METTL15: variants seen among roughly 807,000 people sequenced by gnomAD.
METTL15 encodes methyltransferase 15, mitochondrial 12S rRNA N4-cytidine.
Under a neutral mutation model 38.3 loss-of-function variants are expected in METTL15, and 34 were observed. That is an observed-to-expected ratio of 0.89 (90% CI 0.68 to 1.18). The LOEUF (loss-of-function observed/expected upper bound fraction) is 1.18, where lower values mean the gene tolerates loss of function less well. METTL15 is among the 50% of genes most tolerant of loss of function. The probability of loss-of-function intolerance (pLI) is 0.00; values close to 1 mark genes in which losing one functional copy is unlikely to be tolerated. For missense variants in METTL15, 438 were observed against 498.4 expected, an observed-to-expected ratio of 0.88 and a Z score of 1.15; for synonymous variants, 162 against 170.9, an observed-to-expected ratio of 0.95 and a Z score of 0.41.
chr11:28,450,681 T>C (rs1183705187), intron 6 of METTL15, among the ~76,000 whole-genome samples: 2 of 152,236 alleles, frequency 1.3e-5, no homozygotes, highest in Non-Finnish European at 2.9e-5. Flanking sequence ...TGGACTTTAG[T>C]GGATTCAGTA....
rs891716500 is a variant in METTL15 at position 28,331,154 on chromosome 11, G to T, written c.*313G>T. 10 of 184,570 alleles carry T rather than the reference G, an allele frequency of 5.4e-5. No homozygotes were observed. The highest frequency in any genetic ancestry group is 6.6e-5 in the Non-Finnish European group (6 of 90,780). 11.4% of individuals were successfully genotyped at this position (184,570 alleles called of 1,614,324 possible). On this transcript the variant is annotated 3_prime_UTR_variant, in exon 7 of 7. Coordinates refer to ENST00000407364, the MANE Select transcript of METTL15 (RefSeq NM_001113528.2). The stretch of plus-strand genomic sequence containing the variant: ...TACTGTGTTGTGTTTATCTAAATAC[G>T]TAAACTCAAGCTACCAAAGAGAAAG...
chr11:28,134,450 T>C (rs1849448545), intron 3 of METTL15: 1 of 397,836 alleles, frequency 2.5e-6, no homozygotes, highest in Non-Finnish European at 4.4e-6. Flanking sequence ...CAAGTTCCCT[T>C]ATCTGCACAA....
chr11:28,454,203 A>T (rs1357516045), intron 6 of METTL15, among the ~76,000 whole-genome samples: 1 of 152,224 alleles, frequency 6.6e-6, no homozygotes, highest in African/African-American at 2.4e-5. Context: ...AGTCATTCCA[A>T]TTAATCCTCC....
chr11:28,368,744 G>T, intron 5 of METTL15, among the ~76,000 whole-genome samples: 1 of 152,046 alleles, frequency 6.6e-6, no homozygotes, highest in East Asian at 1.9e-4. Context: ...CAAAGACTTG[G>T]AACCAACCCA....
chr11:28,132,242 A>G (rs1309125348), intron 3 of METTL15, among the ~76,000 whole-genome samples: 3 of 152,142 alleles, frequency 2.0e-5, no homozygotes, highest in African/African-American at 7.2e-5. Context: ...GGTCATAGCA[A>G]CAGACATTGT....
chr11:28,265,436 A>T (rs1855374889), intron 4 of METTL15, among the ~76,000 whole-genome samples: 1 of 151,994 alleles, frequency 6.6e-6, no homozygotes, highest in African/African-American at 2.4e-5. Flanking sequence ...TGAGAAAACG[A>T]AATTGTCAGT....
chr11:28,251,535 A>G (rs1285594434), intron 4 of METTL15, among the ~76,000 whole-genome samples: 1 of 152,022 alleles, frequency 6.6e-6, no homozygotes, highest in Non-Finnish European at 1.5e-5. Flanking sequence ...AATGAATAAG[A>G]CTTTTTTCAT....
At chr11:28,300,877 A>T (rs1856889006) in intron 6 of METTL15, among the ~76,000 whole-genome samples, 1 of 152,160 alleles carries the variant, frequency 6.6e-6, no homozygotes, top group Admixed American at 6.5e-5. Flanking sequence ...AAAATGGCCT[A>T]AGGGACTCAT....
chr11:28,296,669 A>G (rs1431692644), intron 5 of METTL15, 84 bp from the exon 6 acceptor site: 3 of 1,429,828 alleles, frequency 2.1e-6, no homozygotes, highest in African/African-American at 2.8e-5. Flanking sequence ...TGTGTGTCTG[A>G]CTTTATGTCT....
chr11:28,138,042 C>T (rs1380533422), intron 3 of METTL15, among the ~76,000 whole-genome samples: 1 of 152,026 alleles, frequency 6.6e-6, no homozygotes, highest in African/African-American at 2.4e-5. Flanking sequence ...ACAGGTATAG[C>T]TGGAAGACAA....
chr11:28,338,264 A>G (rs918002527), downstream of METTL15, among the ~76,000 whole-genome samples: 6 of 152,080 alleles, frequency 3.9e-5, no homozygotes, highest in South Asian at 2.1e-4. Flanking sequence ...GTTTTCTTTC[A>G]TAATTTGATT....
chr11:28,519,853 C>T (rs1851749969), intron 6 of METTL15, among the ~76,000 whole-genome samples: 1 of 152,138 alleles, frequency 6.6e-6, no homozygotes. Flanking sequence ...AGTAAAGTGA[C>T]ACTGTCAAGG....
At chr11:28,347,597 G>A (rs1340761408) in intron 3 of METTL15, among the ~76,000 whole-genome samples, 1 of 152,164 alleles carries the variant, frequency 6.6e-6, no homozygotes, top group Non-Finnish European at 1.5e-5. Context: ...ATTAATCACT[G>A]AATTTCTGTG....
intron 3 of METTL15, among the ~76,000 whole-genome samples, chr11:28,152,052 T>C (rs1850108710): frequency 6.6e-6 from 1 of 152,096 alleles, no homozygotes; most frequent in South Asian, 2.1e-4. Flanking sequence ...TTAGTGGATC[T>C]TGTATTTCTA....
rs1214815966 is a variant in METTL15, at chr11:28,432,200, G to A, written c.*424+7836G>A. Among the ~76,000 whole-genome samples the A allele has an allele frequency of 2.6e-5, 4 of 152,330 alleles. No homozygotes were observed. The East Asian group carries it at 7.7e-4, about 29-fold the overall frequency. On this transcript the variant is annotated intron_variant and NMD_transcript_variant, in intron 6 of 7. Transcript: ENST00000532947. ...GACAAAAATGGTATAGATAGTTATT[G>A]ACGATGGAAAAGAATAAAGACATTG...
At chr11:28,371,637 T>C (rs756272500) in intron 5 of METTL15, among the ~76,000 whole-genome samples, 1 of 152,062 alleles carries the variant, frequency 6.6e-6, no homozygotes, top group African/African-American at 2.4e-5. Flanking sequence ...ATGGAATATT[T>C]TTCCATTTTA....
chr11:28,490,679 C>T (rs1000490547), intron 6 of METTL15, among the ~76,000 whole-genome samples: 9 of 151,982 alleles, frequency 5.9e-5, no homozygotes, highest in South Asian at 2.1e-4. Context: ...GAGAGGAAAA[C>T]CTCAGTCTTA....
At chr11:28,237,321 A>G (rs1198415157) in intron 4 of METTL15, among the ~76,000 whole-genome samples, 1 of 151,828 alleles carries the variant, frequency 6.6e-6, no homozygotes, top group Non-Finnish European at 1.5e-5. Context: ...TTTTTTCTCT[A>G]AACTTCCCTT....
chr11:28,267,298 C>T (rs533207104), intron 4 of METTL15, among the ~76,000 whole-genome samples: 2 of 152,180 alleles, frequency 1.3e-5, no homozygotes, highest in East Asian at 3.9e-4. Context: ...CTCAAAATTG[C>T]CAGGCATGCC....
Sources: allele counts gnomAD v4.1 joint callset (sites outside exome capture counted in the v4.1 genomes callset), GRCh38; gene constraint gnomAD v4.1.1; transcripts MANE v1.5; gene names NCBI Gene and HGNC (gene_info 2026-07-23, HGNC 2026-07-21).